Variants in VPS13B observed in about 807,000 individuals in gnomAD.
VPS13B encodes vacuolar protein sorting 13 homolog B, also known as intermembrane lipid transfer protein VPS13B.
A neutral mutation model predicts 426.4 loss-of-function variants in VPS13B; 285 were observed. The observed-to-expected ratio is 0.67, with a 90% CI of 0.61 to 0.74. VPS13B has a LOEUF of 0.74. Among genes scored for constraint, VPS13B ranks in the 30% least tolerant of loss-of-function variants. The pLI is 0.00. For synonymous variants in VPS13B, 1,676 were observed against 1,676.4 expected (o/e 1.00, Z 0.01); for missense variants, 4,537 against 4,782.6 (o/e 0.95, Z 1.51).
At chr8:99,741,238 T>G (rs1033457863) in intron 39 of VPS13B, among the ~76,000 whole-genome samples, 8 of 152,160 alleles carry the variant, frequency 5.3e-5, no homozygotes, top group African/African-American at 1.4e-4. Flanking sequence ...GGCCATTACA[T>G]AATGGTAAAG....
chr8:99,828,963 G>A (rs948258447), intron 51 of VPS13B, among the ~76,000 whole-genome samples: 6 of 152,148 alleles, frequency 3.9e-5, no homozygotes, highest in African/African-American at 7.2e-5. Flanking sequence ...TCTTGGCCGA[G>A]AGATCCACTG....
chr8:99,501,621 T>A, intron 25 of VPS13B, 66 bp from the exon 26 acceptor site: 1 of 1,481,694 alleles, frequency 6.7e-7, no homozygotes, highest in Non-Finnish European at 9.3e-7. Flanking sequence ...TTTTAATTTA[T>A]AATTTGTATT....
intron 19 of VPS13B, 124 bp downstream of exon 19, chr8:99,275,378 A>G: frequency 2.2e-6 from 2 of 890,508 alleles, no homozygotes; most frequent in Non-Finnish European, 3.3e-6. Context: ...CTTACTCTGC[A>G]GTTGTGCTTT....
chr8:99,066,446 C>G (rs1322548754), intron 3 of VPS13B, among the ~76,000 whole-genome samples: 1 of 152,100 alleles, frequency 6.6e-6, no homozygotes, highest in Non-Finnish European at 1.5e-5. Context: ...ACTGGCTAGC[C>G]ATATGTAGAA....
chr8:99,169,633 GTTATT>G (rs60027323), intron 15 of VPS13B, among the ~76,000 whole-genome samples: 26,288 of 151,716 alleles, frequency 0.17, 2,756 homozygotes, highest in East Asian at 0.38. Flanking sequence ...TGTAGTTAAT[GTTATT>G]TTAGTCATAA....
rs184720460 is a variant in VPS13B at position 99,393,344 on chromosome 8, T to A, written c.3082+1640T>A. On this transcript the variant is annotated intron_variant, in intron 21 of 61. Transcript: ENST00000357162. ...TTTGCCTTCTTTATTATACTTTATG[T>A]TTTTATAAGAAATTAATAATTGTTA... 6.2e-3 allele frequency among the ~76,000 whole-genome samples: 950 copies of A among 152,222 alleles called. 7 individuals are homozygous for A. The highest frequency in any genetic ancestry group is 0.021 in the African/African-American group (891 of 41,572).
intron 14 of VPS13B, among the ~76,000 whole-genome samples, chr8:99,156,058 AGATAC>A (rs1314047777): frequency 6.6e-6 from 1 of 152,222 alleles, no homozygotes; most frequent in Non-Finnish European, 1.5e-5. Context: ...TATTGTTAGT[AGATAC>A]GATACAGATA....
intron 35 of VPS13B, among the ~76,000 whole-genome samples, chr8:99,684,930 G>T (rs1831319116): frequency 6.6e-6 from 1 of 152,172 alleles, no homozygotes; most frequent in Admixed American, 6.5e-5. Context: ...AGCCTCCCAA[G>T]TAGCTGGGAT....
chr8:99,724,590 G>A (rs1433572195), intron 39 of VPS13B, among the ~76,000 whole-genome samples: 1 of 151,984 alleles, frequency 6.6e-6, no homozygotes, highest in Admixed American at 6.6e-5. Context: ...GAACATTGGA[G>A]TTGATGTTAT....
chr8:99,046,194 A>G (rs1282573081), intron 3 of VPS13B, among the ~76,000 whole-genome samples: 6 of 152,012 alleles, frequency 3.9e-5, no homozygotes, highest in Admixed American at 2.6e-4. Flanking sequence ...ATGTGTTTCC[A>G]TTTGTGTCAT....
intron 39 of VPS13B, among the ~76,000 whole-genome samples, chr8:99,728,142 A>G (rs1470010266): frequency 6.6e-6 from 1 of 152,218 alleles, no homozygotes; most frequent in Non-Finnish European, 1.5e-5. Flanking sequence ...GTCAGTCTCT[A>G]GTGAACTTTG....
chr8:99,149,049 C>T (rs1810910936), intron 14 of VPS13B, among the ~76,000 whole-genome samples: 1 of 152,246 alleles, frequency 6.6e-6, no homozygotes, highest in South Asian at 2.1e-4. Context: ...ACAGGATATT[C>T]TACCAAGGTC....
At chr8:99,303,415 T>G (rs966575674) in intron 19 of VPS13B, among the ~76,000 whole-genome samples, 2 of 151,826 alleles carry the variant, frequency 1.3e-5, no homozygotes, top group Non-Finnish European at 2.9e-5. Flanking sequence ...ACTAGCTATA[T>G]TTTTTCTATA....
At chr8:99,614,686 T>C (rs1387973597) in intron 33 of VPS13B, among the ~76,000 whole-genome samples, 1 of 152,216 alleles carries the variant, frequency 6.6e-6, no homozygotes, top group Non-Finnish European at 1.5e-5. Context: ...TTAGAAATAG[T>C]CCTACGTTAT....
intron 15 of VPS13B, among the ~76,000 whole-genome samples, chr8:99,163,587 C>T (rs902572169): frequency 1.2e-4 from 18 of 152,232 alleles, no homozygotes; most frequent in African/African-American, 2.9e-4. Context: ...AGCACAGCGC[C>T]GGTGGGCCAG....
chr8:99,848,735 C>G (rs772880772), intron 54 of VPS13B, 41 bp from the exon 55 acceptor site: 1 of 1,591,708 alleles, frequency 6.3e-7, no homozygotes, highest in South Asian at 1.1e-5. Context: ...AATAGTGTTT[C>G]TTATTTCTTT....
chr8:99,123,682 G>A (rs528451506), intron 8 of VPS13B, among the ~76,000 whole-genome samples: 1 of 152,026 alleles, frequency 6.6e-6, no homozygotes, highest in Non-Finnish European at 1.5e-5. Context: ...GATGAAAAGT[G>A]ATTGTGTTTT....
chr8:99,163,665 G>A (rs1811817839), intron 15 of VPS13B, among the ~76,000 whole-genome samples: 1 of 152,200 alleles, frequency 6.6e-6, no homozygotes, highest in Non-Finnish European at 1.5e-5. Flanking sequence ...CATTGCCCGG[G>A]GCCAGCAGGG....
At position 99,487,886 on chromosome 8, in the gene VPS13B, T is replaced by G. The variant is rs1350984957; in HGVS notation, c.3870+6084T>G. Among the ~76,000 whole-genome samples, 5 of 152,172 alleles carry G rather than the reference T, an allele frequency of 3.3e-5. No individual in the cohort carries two copies. The South Asian group carries it at 8.3e-4, about 25-fold the overall frequency. On this transcript the variant is annotated intron_variant, in intron 25 of 61. Transcript: ENST00000357162. ...TGGGTTATTTCTACCCTTTTGTCTG[T>G]TGTGGATAATACTGCTTTGAACACT... is the stretch of plus-strand genomic sequence containing the variant.
Sources: gnomAD v4.1 joint callset for allele counts (sites outside exome capture counted in the v4.1 genomes callset) on GRCh38, gnomAD v4.1.1 for gene constraint, MANE v1.5 for transcripts, NCBI Gene and HGNC (gene_info 2026-07-23, HGNC 2026-07-21) for gene names.